The following GANC variants were observed in gnomAD, a reference collection of about 807,000 sequenced individuals.
GANC encodes the protein neutral alpha-glucosidase C.
In GANC, 117 loss-of-function variants were observed where a neutral mutation model predicts 124.2. The ratio of observed to expected loss-of-function variants is 0.94; its 90% confidence interval spans 0.81 to 1.10. The LOEUF is 1.10. Among genes scored for constraint, GANC ranks in the 50% least tolerant of loss-of-function variants. GANC has a pLI of 0.00. For synonymous variants in GANC, 377 were observed against 376.8 expected (o/e 1.00, Z -0.01); for missense variants, 1,140 against 1,095.0 (o/e 1.04, Z -0.58).
At position 42,293,819 on chromosome 15, in the gene GANC, G is replaced by A. The variant is rs572014614; in HGVS notation, c.512+902G>A. 1.7e-3 allele frequency among the ~76,000 whole-genome samples: 263 copies of A among 151,738 alleles called. 1 individual carries two copies. The highest frequency in any genetic ancestry group is 2.0e-3 in the Non-Finnish European group (137 of 68,030). On this transcript the variant is annotated intron_variant, in intron 5 of 23. Transcript: ENST00000318010. ...CTGTAATCATAACACTTTTGCCGAG[G>A]TGGCAAATCAGTTGAGCCCAGGAAT... is the stretch of plus-strand genomic sequence containing the variant.
chr15:42,297,766 C>T (rs899416786), intron 6 of GANC, 110 bp downstream of exon 6: 22 of 662,954 alleles, frequency 3.3e-5, no homozygotes, highest in African/African-American at 9.4e-5. Flanking sequence ...GTTAAATGAT[C>T]GACTGCATAT....
At chr15:42,345,987 C>T (rs59094161) in intron 20 of GANC, among the ~76,000 whole-genome samples, 155 bp downstream of exon 20, 15,672 of 152,152 alleles carry the variant, frequency 0.1, 1,159 homozygotes, top group Admixed American at 0.19. Context: ...AGGTGCCAGC[C>T]GATTCTGTTC....
At chr15:42,298,528 T>C (rs1292172166) in intron 6 of GANC, among the ~76,000 whole-genome samples, 2 of 152,228 alleles carry the variant, frequency 1.3e-5, no homozygotes, top group African/African-American at 4.8e-5. Context: ...AGGAAAACTC[T>C]GGAACGGTTC....
chr15:42,310,128 T>C (rs548801299), intron 8 of GANC, among the ~76,000 whole-genome samples, 155 bp from the exon 9 acceptor site: 1 of 152,232 alleles, frequency 6.6e-6, no homozygotes, highest in South Asian at 2.1e-4. Context: ...CACGTTCACC[T>C]AAGTTGGGTC....
Position 42,278,579 on chromosome 15 carries a change from G to T in GANC, c.190G>T (p.Glu64Ter). 2 of 1,608,332 alleles carry T rather than the reference G, an allele frequency of 1.2e-6. No homozygotes were observed. The highest frequency in any genetic ancestry group is 2.2e-5 in the South Asian group (2 of 90,552). Residue 64 changes from glutamate (E) to a stop codon, truncating the protein, a stop_gained, in exon 3 of 24, where the codon GAA becomes TAA. Coordinates refer to ENST00000318010, the MANE Select transcript of GANC (RefSeq NM_198141.3). LOFTEE classifies it high-confidence loss of function. Reference protein sequence around the residue: ...EDSTRFQIINEASKVPLLAEI... With the variant: ...EDSTRFQIIN ...CAGCACCAGGTTCCAAATCATCAATGAAGCAAGTAAGGTGAGATGGAAGTA... is the reference window on the plus strand; with the variant it reads ...CAGCACCAGGTTCCAAATCATCAATTAAGCAAGTAAGGTGAGATGGAAGTA...
chr15:42,285,753 C>A (rs1251557346), intron 3 of GANC, among the ~76,000 whole-genome samples: 1 of 152,150 alleles, frequency 6.6e-6, no homozygotes, highest in Admixed American at 6.5e-5. Flanking sequence ...CAAGATTGCG[C>A]CACTGCACTC....
Position 42,325,901 on chromosome 15 carries a change from T to G in GANC, c.1294-397T>G, listed in dbSNP as rs112725106. Among the ~76,000 whole-genome samples, 729 of 152,252 alleles carry G rather than the reference T, an allele frequency of 4.8e-3. 3 individuals are homozygous for G. The highest frequency in any genetic ancestry group is 8.5e-3 in the Non-Finnish European group (578 of 67,988). On this transcript the variant is annotated intron_variant, in intron 11 of 23. Coordinates refer to ENST00000318010, the MANE Select transcript of GANC (RefSeq NM_198141.3). ...CCTCCTGAGTAGCTGGGACCACAGG[T>G]GGACACCACCACACCCAGCTAATTT... is the stretch of plus-strand genomic sequence containing the variant.
intron 10 of GANC, among the ~76,000 whole-genome samples, chr15:42,316,087 A>G (rs950082995): frequency 2.0e-5 from 3 of 152,130 alleles, no homozygotes; most frequent in Non-Finnish European, 4.4e-5. Context: ...CCTAACTGAT[A>G]CACCCAGCAA....
intron 10 of GANC, among the ~76,000 whole-genome samples, chr15:42,311,845 A>G (rs2052052592): frequency 1.4e-5 from 1 of 71,126 alleles, no homozygotes. Context: ...ATATCAATCA[A>G]TAACGAAAAA....
At chr15:42,298,627 C>T (rs188688724) in intron 6 of GANC, among the ~76,000 whole-genome samples, 151 of 152,306 alleles carry the variant, frequency 9.9e-4, no homozygotes, top group African/African-American at 3.4e-3. Context: ...AATCTTCTCT[C>T]TCTTCATCCC....
chr15:42,310,519 A>G, intron 9 of GANC, 56 bp downstream of exon 9: 1 of 1,515,386 alleles, frequency 6.6e-7, no homozygotes, highest in Non-Finnish European at 8.9e-7. Context: ...AAACCACTGC[A>G]GTGGAGTTAT....
chr15:42,278,824 T>C (rs922229580), intron 3 of GANC, among the ~76,000 whole-genome samples: 2 of 152,026 alleles, frequency 1.3e-5, no homozygotes, highest in African/African-American at 4.8e-5. Flanking sequence ...CGAAAACCCA[T>C]CTCTACAAAA....
At position 42,273,429 on chromosome 15, in the gene GANC, A is replaced by G. The variant is rs1315435542; in HGVS notation, c.-1053A>G. On this transcript the variant is annotated 5_prime_UTR_variant, in exon 1 of 24. Transcript: ENST00000318010. The stretch of plus-strand genomic sequence containing the variant: ...CAGCCGTGGAGTGCCTACCGAAAGC[A>G]TTTCACCCTCTTCCGGTTCGTCCCG... 16 of 1,612,456 alleles carry G rather than the reference A, an allele frequency of 9.9e-6. No individual in the cohort carries two copies. Among genetic ancestry groups the G allele is most frequent in the Non-Finnish European group, 1.4e-5 (16 of 1,179,488 alleles).
chr15:42,310,286 T>C lies in GANC; in HGVS notation c.726T>C (p.Asp242=), dbSNP rs2052037651. ...GATGATAATCTTTGTGTTTCAGTGA[T>C]GGAGATGCTTACCGTCTTTATAACC... is the stretch of plus-strand genomic sequence containing the variant. ...AESHQLKNTG[D]GDAYRLYNLD... Residue 242 remains aspartate (D), a synonymous_variant, in exon 9 of 24, where the codon GAT becomes GAC. Coordinates refer to ENST00000318010, the MANE Select transcript of GANC (RefSeq NM_198141.3). The C allele has an allele frequency of 1.3e-6, 2 of 1,584,356 alleles. No individual in the cohort carries two copies. Among genetic ancestry groups the C allele is most frequent in the Admixed American group, 1.8e-5 (1 of 56,502 alleles).
Position 42,327,347 on chromosome 15 carries a change from T to C in GANC, c.1421-16T>C. The C allele has an allele frequency of 6.3e-7, 1 of 1,598,580 alleles. No individual in the cohort carries two copies. The highest frequency in any genetic ancestry group is 8.6e-7 in the Non-Finnish European group (1 of 1,167,526). ...CCACTGTTCTTGACAGGCTATCTAC[T>C]GTTCTGCCTCCACAGGTCTCTCCTC... On this transcript the variant is annotated splice_polypyrimidine_tract_variant and intron_variant, in intron 12 of 23. Coordinates refer to ENST00000318010, the MANE Select transcript of GANC (RefSeq NM_198141.3).
rs60116980 is a variant in GANC at position 42,339,305 on chromosome 15, A to AACACACACACAC, written c.1844-322_1844-311dup. On this transcript the variant is annotated intron_variant, in intron 16 of 23. Coordinates refer to ENST00000318010, the MANE Select transcript of GANC (RefSeq NM_198141.3). ...AATCAGTTGCCAACCACCCCCCTCC[A>AACACACACACAC]ACACACACACACACACACACACACA... Among the ~76,000 whole-genome samples the AACACACACACAC allele has an allele frequency of 1.6e-3, 187 of 119,246 alleles. 2 individuals carry two copies. The highest frequency in any genetic ancestry group is 4.2e-3 in the Middle Eastern group (1 of 236). 78.2% of individuals were successfully genotyped at this position (119,246 alleles called of 152,430 possible).
intron 23 of GANC, 62 bp downstream of exon 23, chr15:42,351,494 A>T (rs1337341630): frequency 1.7e-6 from 2 of 1,166,298 alleles, no homozygotes; most frequent in Non-Finnish European, 2.6e-6. Flanking sequence ...ATCTGCAGTG[A>T]GATGATTAGT....
chr15:42,334,965 T>A (rs775213978), intron 15 of GANC, among the ~76,000 whole-genome samples: 2 of 151,972 alleles, frequency 1.3e-5, no homozygotes, highest in African/African-American at 2.4e-5. Flanking sequence ...CAAAATTGAA[T>A]GAGTAGTAAA....
intron 15 of GANC, among the ~76,000 whole-genome samples, chr15:42,335,282 T>C (rs2052275641): frequency 1.3e-5 from 2 of 152,120 alleles, no homozygotes; most frequent in South Asian, 4.2e-4. Flanking sequence ...CAAGAAGCCT[T>C]TATCATTGGA....
Sources: gnomAD v4.1 joint callset for allele counts (sites outside exome capture counted in the v4.1 genomes callset) on GRCh38, gnomAD v4.1.1 for gene constraint, MANE v1.5 for transcripts, NCBI Gene and HGNC (gene_info 2026-07-23, HGNC 2026-07-21) for gene names.